TCF4: variants seen among roughly 807,000 people sequenced by gnomAD.
TCF4 encodes the protein transcription factor 4.
In TCF4, 3 loss-of-function variants were observed where a neutral mutation model predicts 82.1. The observed-to-expected ratio is 0.04, with a 90% confidence interval of 0.02 to 0.09. TCF4 has a LOEUF of 0.09. Among genes scored for constraint, TCF4 ranks in the 10% least tolerant of loss-of-function variants. The pLI is 1.00. For synonymous variants in TCF4, 276 were observed against 309.6 expected (o/e 0.89, Z 1.14); for missense variants, 518 against 852.7 (o/e 0.61, Z 4.89).
intron 13 of TCF4, among the ~76,000 whole-genome samples, chr18:55,257,753 A>G (rs570365615): frequency 2.6e-5 from 4 of 152,316 alleles, no homozygotes; most frequent in Non-Finnish European, 5.9e-5. Context: ...ATGCAAGGCT[A>G]GTTTATGTTA....
In TCF4 at chr18:55,473,825, T is replaced by C. The variant is rs552196027; in HGVS notation, c.146-9688A>G. 2.6e-5 allele frequency among the ~76,000 whole-genome samples: 4 copies of C among 152,344 alleles called. No homozygotes were observed. In the East Asian group the frequency reaches 7.7e-4, roughly 29 times the overall value. ...ATAACACAGGAACTTAATGCAGTTA[T>C]TCCCTTGTAATTGGAAAAAGGCCCT... is the stretch of plus-strand genomic sequence containing the variant. On this transcript the variant is annotated intron_variant, in intron 3 of 19. Transcript: ENST00000354452.
chr18:55,470,670 C>T (rs2145173224), intron 3 of TCF4, among the ~76,000 whole-genome samples: 1 of 152,272 alleles, frequency 6.6e-6, no homozygotes, highest in Non-Finnish European at 1.5e-5. Context: ...GTTGTCCTTT[C>T]TATACTCTGA....
chr18:55,631,488 G>C, intron 1 of TCF4: 1 of 1,324,946 alleles, frequency 7.5e-7, no homozygotes, highest in Non-Finnish European at 1.0e-6. Flanking sequence ...ATAATGTTTT[G>C]GGTTAGGGTA....
In TCF4 at chr18:55,332,145, T is replaced by C. The variant is rs76111604; in HGVS notation, c.549+18214A>G. 819 of 152,306 alleles carry C rather than the reference T, an allele frequency of 5.4e-3. 9 individuals carry two copies. The highest frequency in any genetic ancestry group is 0.018 in the African/African-American group (757 of 41,560). The allele number at this position is 152,306 out of a possible 1,614,324, so 9.4% of individuals were successfully genotyped here. A position where few individuals can be genotyped will look rare whatever the true frequency, so the allele number is the denominator to read the frequency against. On this transcript the variant is annotated intron_variant, in intron 8 of 19. Coordinates refer to ENST00000354452, the MANE Select transcript of TCF4 (RefSeq NM_001083962.2). Reference sequence around the variant, plus strand: ...TCTATATTCTACTTTGAACATTCAATTATAAACATTTTCTTAGAGGGACAC... The same window carrying C: ...TCTATATTCTACTTTGAACATTCAACTATAAACATTTTCTTAGAGGGACAC...
At chr18:55,559,021 G>A (rs1274854618) in intron 3 of TCF4, among the ~76,000 whole-genome samples, 1 of 145,602 alleles carries the variant, frequency 6.9e-6, no homozygotes. Context: ...AAAAAGTATG[G>A]TTTGTATATA....
upstream of TCF4, chr18:55,588,727 C>T (rs2097675857): frequency 7.8e-7 from 1 of 1,285,304 alleles, no homozygotes; most frequent in East Asian, 3.0e-5. Context: ...AATCAAGCCA[C>T]ATTTTCCTGG....
At chr18:55,261,180 T>C (rs2058008854) in intron 12 of TCF4, 11 of 376,270 alleles carry the variant, frequency 2.9e-5, no homozygotes, top group South Asian at 2.8e-4. Flanking sequence ...TAGAGAAAAA[T>C]AAGACATCAG....
At chr18:55,520,201 T>C (rs1398650619) in intron 3 of TCF4, among the ~76,000 whole-genome samples, 1 of 152,208 alleles carries the variant, frequency 6.6e-6, no homozygotes, top group East Asian at 1.9e-4. Context: ...TAGGAATCAA[T>C]TTATTCTTTC....
chr18:55,248,983 G>A (rs375942848), intron 15 of TCF4, among the ~76,000 whole-genome samples: 3 of 152,240 alleles, frequency 2.0e-5, no homozygotes, highest in African/African-American at 7.2e-5. Context: ...GACCTCGAGT[G>A]ATCCACCCGC....
At chr18:55,347,468 A>G (rs1373947870) in intron 8 of TCF4, among the ~76,000 whole-genome samples, 2 of 152,088 alleles carry the variant, frequency 1.3e-5, no homozygotes, top group Non-Finnish European at 2.9e-5. Flanking sequence ...ATCGTGTCAT[A>G]CTTCCACAGT....
chr18:55,390,022 A>G (rs142090975), intron 6 of TCF4, among the ~76,000 whole-genome samples: 2 of 152,306 alleles, frequency 1.3e-5, no homozygotes, highest in Admixed American at 6.5e-5. Context: ...AATCCAATCA[A>G]TGGAATTCAA....
chr18:55,494,267 C>T (rs942450220), intron 3 of TCF4, among the ~76,000 whole-genome samples: 1 of 148,526 alleles, frequency 6.7e-6, no homozygotes, highest in African/African-American at 2.5e-5. Flanking sequence ...AATAAAGTAA[C>T]CACAAACTGT....
intron 3 of TCF4, among the ~76,000 whole-genome samples, chr18:55,577,418 T>C (rs2097540438): frequency 6.6e-6 from 1 of 151,640 alleles, no homozygotes; most frequent in Non-Finnish European, 1.5e-5. Context: ...GCTACCAGTC[T>C]CCAGATATAA....
chr18:55,367,058 G>A (rs113728341), intron 6 of TCF4, among the ~76,000 whole-genome samples: 4,025 of 152,160 alleles, frequency 0.026, 197 homozygotes, highest in African/African-American at 0.092. Flanking sequence ...TACTCACATG[G>A]TAGAGATGAA....
chr18:55,322,091 T>C lies in TCF4; in HGVS notation c.549+28268A>G, dbSNP rs1271309192. The C allele has an allele frequency of 4.5e-5, 49 of 1,078,592 alleles. No individual in the cohort carries two copies. In the African/African-American group the frequency reaches 6.6e-4, roughly 15 times the overall value. 66.8% of individuals were successfully genotyped at this position (1,078,592 alleles called of 1,614,324 possible). A position where few individuals can be genotyped will look rare whatever the true frequency, so the allele number is the denominator to read the frequency against. ...AGTCTTCACTTTTTTCTTTTTCTTTTCTTTTTTTTTTTCCTTTTTTTTTTT... is the reference window on the plus strand; with the variant it reads ...AGTCTTCACTTTTTTCTTTTTCTTTCCTTTTTTTTTTTCCTTTTTTTTTTT... On this transcript the variant is annotated intron_variant, in intron 8 of 19. Transcript: ENST00000354452.
intron 8 of TCF4, among the ~76,000 whole-genome samples, chr18:55,350,090 ACTC>A (rs1396270721): frequency 3.9e-5 from 6 of 152,060 alleles, no homozygotes; most frequent in Admixed American, 3.9e-4. Flanking sequence ...TACAGGTAAA[ACTC>A]CTCAAACTTC....
At chr18:55,563,196 A>AC (rs1200883412) in intron 3 of TCF4, among the ~76,000 whole-genome samples, 18 of 146,352 alleles carry the variant, frequency 1.2e-4, no homozygotes, top group African/African-American at 1.5e-4. Context: ...CCGTGATCAC[A>AC]CCACTGCACT....
intron 3 of TCF4, chr18:55,496,235 C>T (rs146230888): frequency 4.3e-4 from 65 of 152,214 alleles, no homozygotes; most frequent in African/African-American, 1.3e-3. Context: ...AATTCAAGTG[C>T]TTTATAATTG....
intron 2 of TCF4, among the ~76,000 whole-genome samples, chr18:55,621,409 G>GGTATATGGGGTACTGCCTGAT (rs1555791339): frequency 8.8e-6 from 1 of 113,092 alleles, no homozygotes; most frequent in Non-Finnish European, 1.7e-5. Flanking sequence ...GGTACTGCCT[G>GGTATATGGGGTACTGCCTGAT]ATATATATAT....
Sources: gnomAD v4.1 joint callset for allele counts (sites outside exome capture counted in the v4.1 genomes callset) on GRCh38, gnomAD v4.1.1 for gene constraint, MANE v1.5 for transcripts, NCBI Gene and HGNC (gene_info 2026-07-23, HGNC 2026-07-21) for gene names.